PRICKLE3: variants seen among roughly 807,000 people sequenced by gnomAD.
PRICKLE3 encodes the protein LIM domain only protein 6.
PRICKLE3 carries 17 observed loss-of-function variants against 33.8 expected under a neutral mutation model. The observed-to-expected ratio is 0.50, with a 90% CI of 0.34 to 0.75. PRICKLE3 has a LOEUF of 0.75. PRICKLE3 is among the 30% of genes least tolerant of loss of function. The pLI is 0.01. For missense variants in PRICKLE3, 573 were observed against 576.7 expected (o/e 0.99, Z 0.07); for synonymous variants, 211 against 219.6 (o/e 0.96, Z 0.34).
Position 49,176,909 on chromosome X carries a change from C to T in PRICKLE3, c.1249G>A (p.Ala417Thr). 3 of 1,193,950 alleles carry T rather than the reference C, an allele frequency of 2.5e-6. No homozygotes were observed. Among genetic ancestry groups the T allele is most frequent in the Non-Finnish European group, 3.4e-6 (3 of 887,189 alleles). ...TTTKGTSTEL[A>T]PATGPEEPSR... ...GGCTAGAGGGTTAGCTCACCTGGCG[C>T]TAACTCTGTGCTGGTGCCTTTGGTG... The change falls in exon 8 of 9, where the codon GCG becomes ACG. Residue 417 changes from alanine (A) to threonine (T), a missense_variant. Coordinates refer to ENST00000599218, the MANE Select transcript of PRICKLE3 (RefSeq NM_006150.5).
rs191285785 is a variant in PRICKLE3 at position 49,182,621 on chromosome X, C to T, written c.312+1113G>A. Among the ~76,000 whole-genome samples, 1,115 of 112,404 alleles carry T rather than the reference C, an allele frequency of 9.9e-3. 20 individuals are homozygous for T. Among genetic ancestry groups the T allele is most frequent in the African/African-American group, 0.033 (1,016 of 30,974 alleles). On this transcript the variant is annotated intron_variant, in intron 3 of 8. Transcript: ENST00000599218. ...GCATGGCTCACTTCTCACCTCCTTT[C>T]GGGCAGCTCAACCATTAAATTCTCA...
Position 49,184,973 on chromosome X carries a change from C to T in PRICKLE3, c.43-263G>A, listed in dbSNP as rs1391602524. The T allele has an allele frequency of 4.0e-5, 38 of 939,960 alleles. No homozygotes were observed. The East Asian group carries it at 1.4e-3, about 35-fold the overall frequency. 77.5% of individuals were successfully genotyped at this position (939,960 alleles called of 1,213,427 possible). On this transcript the variant is annotated intron_variant, in intron 1 of 8. Coordinates refer to ENST00000599218, the MANE Select transcript of PRICKLE3 (RefSeq NM_006150.5). ...CCTAGGCTGGCCTCGGACCCCCCTC[C>T]CCGTCCGCCCCTAGCCTCAGACACC...
Position 49,184,635 on chromosome X carries a change from G to C in PRICKLE3, c.118C>G (p.His40Asp). Residue 40 changes from histidine to aspartate, a missense_variant, in exon 2 of 9, where the codon CAC becomes GAC. Coordinates refer to ENST00000599218, the MANE Select transcript of PRICKLE3 (RefSeq NM_006150.5). The part of the protein sequence containing the change: ...CREQCPGFLL[H>D]GWRKICQHCK... ...AGGGGCGCCACTTACCTCCAGCCGT[G>C]GAGCAGGAAGCCAGGGCACTGCTCC... The C allele has an allele frequency of 9.0e-7, 1 of 1,106,519 alleles. No individual in the cohort carries two copies. Among genetic ancestry groups the C allele is most frequent in the Non-Finnish European group, 1.2e-6 (1 of 840,517 alleles). The allele number at this position is 1,106,519 out of a possible 1,213,427, so 91.2% of individuals were successfully genotyped here.
At position 49,177,036 on chromosome X, in the gene PRICKLE3, A is replaced by C; in HGVS notation, c.1122T>G (p.Ala374=). The C allele has an allele frequency of 8.3e-7, 1 of 1,206,154 alleles. No homozygotes were observed. The highest frequency in any genetic ancestry group is 1.1e-6 in the Non-Finnish European group (1 of 892,515). The part of the protein sequence containing the change: ...RACSLGSEPT[A]PGPSRRSWSA... ...TCCAGCTGCGGCGGCTCGGCCCTGG[A>C]GCTGTGGGCTCGGACCCAAGGCTGC... Residue 374 remains alanine, a synonymous_variant, in exon 8 of 9, where the codon GCT becomes GCG. Transcript: ENST00000599218.
intron 3 of PRICKLE3, chrX:49,183,470 A>G (rs2065467153): frequency 3.7e-6 from 2 of 536,753 alleles, no homozygotes; most frequent in Non-Finnish European, 5.6e-6. Context: ...GTGGTGGGCA[A>G]CAGAGTGAGA....
intron 2 of PRICKLE3, 95 bp from the exon 3 acceptor site, chrX:49,184,012 T>TATC: frequency 3.9e-6 from 4 of 1,027,472 alleles, no homozygotes; most frequent in Non-Finnish European, 5.2e-6. Flanking sequence ...ACATACAGAT[T>TATC]ATCACCACCA....
intron 3 of PRICKLE3, 61 bp downstream of exon 3, chrX:49,183,672 TG>T (rs1823043542): frequency 1.7e-6 from 2 of 1,204,560 alleles, no homozygotes; most frequent in Non-Finnish European, 2.2e-6. Flanking sequence ...TGTGTGTGTG[TG>T]TGTGTGAGCA....
intron 3 of PRICKLE3, among the ~76,000 whole-genome samples, chrX:49,180,416 C>T (rs1235851272): frequency 9.0e-6 from 1 of 111,338 alleles, no homozygotes; most frequent in African/African-American, 3.3e-5. Flanking sequence ...TCCTGTCCTT[C>T]CAATCTCTCT....
At chrX:49,184,467 C>T (rs1602604989) in intron 2 of PRICKLE3, among the ~76,000 whole-genome samples, 158 bp downstream of exon 2, 1 of 112,288 alleles carries the variant, frequency 8.9e-6, no homozygotes, top group Non-Finnish European at 1.9e-5. Flanking sequence ...GGGAATGAGT[C>T]AGGGGGCGGG....
Position 49,184,628 on chromosome X carries a change from C to T in PRICKLE3, c.125G>A (p.Trp42Ter). 1 of 1,103,427 alleles carries T rather than the reference C, an allele frequency of 9.1e-7. No individual in the cohort carries two copies. The highest frequency in any genetic ancestry group is 1.2e-6 in the Non-Finnish European group (1 of 839,508). 90.9% of individuals were successfully genotyped at this position (1,103,427 alleles called of 1,213,427 possible). The change falls in exon 2 of 9, where the codon TGG (tryptophan) becomes TAG (stop). Residue 42 changes from tryptophan to a stop codon, truncating the protein, a stop_gained. Transcript: ENST00000599218. LOFTEE classifies it high-confidence loss of function. ...EQCPGFLLHGWRKICQHCKCP... is the reference protein window; with the variant it reads ...EQCPGFLLHG ...GCCCTTTAGGGGCGCCACTTACCTC[C>T]AGCCGTGGAGCAGGAAGCCAGGGCA...
chrX:49,179,702 G>C lies in PRICKLE3; in HGVS notation c.417C>G (p.His139Gln). Reference sequence around the variant, plus strand: ...TCTTCTCTCTCCTCACCTCACTGTCGTGTGGGGGCAGCTGGTGCAGCAGCT... The same window carrying C: ...TCTTCTCTCTCCTCACCTCACTGTCCTGTGGGGGCAGCTGGTGCAGCAGCT... ...IKQLLHQLPP[H>Q]DSEAQYCTAL... Residue 139 changes from histidine to glutamine, a missense_variant, in exon 4 of 9, where the codon CAC (histidine) becomes CAG (glutamine). His to Gln is a conservative substitution (Grantham distance 24). Transcript: ENST00000599218. 8.5e-7 allele frequency: 1 copy of C among 1,178,116 alleles called. No individual in the cohort carries two copies.
Position 49,177,221 on chromosome X carries a change from G to T in PRICKLE3, c.956-19C>A. ...TCCAGGCCTGTGGGGAACGACGAGG[G>T]GGAAAAACTGAGGCAGAACCCCCAG... On this transcript the variant is annotated intron_variant, in intron 7 of 8. Coordinates refer to ENST00000599218, the MANE Select transcript of PRICKLE3 (RefSeq NM_006150.5). The T allele has an allele frequency of 8.9e-7, 1 of 1,125,113 alleles. No homozygotes were observed. Among genetic ancestry groups the T allele is most frequent in the East Asian group, 3.2e-5 (1 of 31,411 alleles). The allele number at this position is 1,125,113 out of a possible 1,213,427, so 92.7% of individuals were successfully genotyped here. A position where few individuals can be genotyped will look rare whatever the true frequency, so the allele number is the denominator to read the frequency against.
At chrX:49,184,891 G>C in intron 1 of PRICKLE3, 181 bp from the exon 2 acceptor site, 1 of 1,134,234 alleles carries the variant, frequency 8.8e-7, no homozygotes, top group Non-Finnish European at 1.2e-6. Context: ...AACCGAGGCA[G>C]AGGCGGGGCA....
rs782418832 is a variant in PRICKLE3, at chrX:49,179,272, G to T, written c.543C>A (p.Ile181=). 6 of 1,211,408 alleles carry T rather than the reference G, an allele frequency of 5.0e-6. No homozygotes were observed. In the Admixed American group the frequency reaches 1.3e-4, roughly 26 times the overall value. ...TCACCTCCTCACAGATGGCCCCAGT[G>T]ATGGTCACCGGGAAGATGCGCACGA... ...RGIVRIFPVT[I]TGAICEECGK... The change falls in exon 5 of 9, where the codon ATC becomes ATA. Residue 181 remains isoleucine (I), a synonymous_variant. Transcript: ENST00000599218.
At chrX:49,177,257 A>T in intron 7 of PRICKLE3, 55 bp from the exon 8 acceptor site, 1 of 1,053,217 alleles carries the variant, frequency 9.5e-7, no homozygotes, top group Non-Finnish European at 1.2e-6. Context: ...GCGTAACCCC[A>T]CCCCTCGTGA....
chrX:49,183,604 G>T, intron 3 of PRICKLE3, 130 bp downstream of exon 3: 1 of 1,139,165 alleles, frequency 8.8e-7, no homozygotes, highest in Non-Finnish European at 1.2e-6. Flanking sequence ...GGGGCCAGAA[G>T]GACCCTCGGT....
chrX:49,183,331 C>G (rs1209749112), intron 3 of PRICKLE3, among the ~76,000 whole-genome samples: 1 of 110,833 alleles, frequency 9.0e-6, no homozygotes, highest in African/African-American at 3.3e-5. Context: ...GAGGCCGAGG[C>G]AGGATCACTT....
At position 49,175,791 on chromosome X, in the gene PRICKLE3, G is replaced by A; in HGVS notation, c.1730C>T (p.Pro577Leu). The stretch of plus-strand genomic sequence containing the variant: ...CATTGCAGTGTCCTGAGCAGGCATG[G>A]GCCTGCACAAATGCGGGGGCAGAGG... ...RIPLPPHLCR[P>L]MPAQDTAMET... The change falls in exon 9 of 9, where the codon CCC becomes CTC. Residue 577 changes from proline to leucine, a missense_variant. By Grantham distance (98) the Pro-to-Leu change is moderately conservative (BLOSUM62 -3). Transcript: ENST00000599218. 1 of 1,211,323 alleles carries A rather than the reference G, an allele frequency of 8.3e-7. No homozygotes were observed. The highest frequency in any genetic ancestry group is 2.2e-5 in the Admixed American group (1 of 46,124).
chrX:49,185,716 C>G (rs2065479409), intron 1 of PRICKLE3, among the ~76,000 whole-genome samples: 2 of 110,111 alleles, frequency 1.8e-5, no homozygotes, highest in South Asian at 3.9e-4. Flanking sequence ...GCCTGGCCAA[C>G]ATGGTGAAAC....
Sources: allele counts gnomAD v4.1 joint callset (sites outside exome capture counted in the v4.1 genomes callset), GRCh38; gene constraint gnomAD v4.1.1; transcripts MANE v1.5; gene names NCBI Gene and HGNC (gene_info 2026-07-23, HGNC 2026-07-21).